The following MCM7 variants were observed in gnomAD, a reference collection of about 807,000 sequenced individuals.
MCM7 encodes the protein DNA replication licensing factor MCM7.
MCM7 carries 95 observed loss-of-function variants against 83.5 expected under a neutral mutation model. The ratio of observed to expected loss-of-function variants is 1.14; its 90% CI spans 0.96 to 1.35. The LOEUF (loss-of-function observed/expected upper bound fraction) is 1.35, where lower values mean the gene tolerates loss of function less well. MCM7 is among the 40% of genes most tolerant of loss of function. The pLI, the probability that MCM7 is intolerant of heterozygous loss-of-function variation, is 0.00. For synonymous variants in MCM7, 461 were observed against 352.7 expected, an observed-to-expected ratio of 1.31 and a Z score of -3.44; for missense variants, 1,087 against 957.4, an observed-to-expected ratio of 1.14 and a Z score of -1.79.
At chr7:100,097,264 T>C (rs777150471) in intron 10 of MCM7, 37 bp downstream of exon 10, 1 of 1,573,142 alleles carries the variant, frequency 6.4e-7, no homozygotes, top group African/African-American at 1.3e-5. Context: ...GTCCTGTCTG[T>C]CACTATATTC....
chr7:100,093,541 C>A (rs779938327), intron 13 of MCM7, 140 bp from the exon 14 acceptor site: 1 of 826,590 alleles, frequency 1.2e-6, no homozygotes, highest in Admixed American at 1.7e-5. Flanking sequence ...CCCCCCTCCC[C>A]CCAGCATCCG....
At chr7:100,100,143 T>TAA (rs778630427) in intron 1 of MCM7, 50 bp from the exon 2 acceptor site, 1 of 1,601,378 alleles carries the variant, frequency 6.2e-7, no homozygotes, top group Non-Finnish European at 8.5e-7. Context: ...AGACAAATCT[T>TAA]AGATACCCAT....
chr7:100,099,870 G>C, intron 2 of MCM7, 117 bp from the exon 3 acceptor site: 4 of 1,451,858 alleles, frequency 2.8e-6, no homozygotes, highest in Non-Finnish European at 3.8e-6. Flanking sequence ...CCACAGGGGA[G>C]AACGCAGCGC....
chr7:100,099,961 A>C, intron 2 of MCM7, 53 bp downstream of exon 2: 1 of 1,529,022 alleles, frequency 6.5e-7, no homozygotes. Flanking sequence ...GCTGCTGCTT[A>C]TGGCTCCTTA....
At chr7:100,095,567 T>C (rs1309656507) in intron 11 of MCM7, 97 bp from the exon 12 acceptor site, 1 of 1,326,876 alleles carries the variant, frequency 7.5e-7, no homozygotes. Flanking sequence ...TTCCTCACAG[T>C]GTAGGAGGGA....
At chr7:100,095,597 C>T (rs1795585344) in intron 11 of MCM7, 127 bp from the exon 12 acceptor site, 4 of 1,304,028 alleles carry the variant, frequency 3.1e-6, no homozygotes, top group Non-Finnish European at 4.2e-6. Context: ...CCGGGAAATC[C>T]TCATCAGCAT....
intron 9 of MCM7, 23 bp from the exon 10 acceptor site, chr7:100,097,407 T>C (rs1195354039): frequency 6.2e-7 from 1 of 1,611,526 alleles, no homozygotes; most frequent in Non-Finnish European, 8.5e-7. Context: ...AAGGCAGCCC[T>C]GGAATGACTC....
At position 100,094,229 on chromosome 7, in the gene MCM7, C is replaced by T; in HGVS notation, c.1792G>A (p.Ala598Thr). The T allele has an allele frequency of 6.2e-7, 1 of 1,614,224 alleles. No homozygotes were observed. The highest frequency in any genetic ancestry group is 8.5e-7 in the Non-Finnish European group (1 of 1,180,044). ...AGGGTCCGGGCAGAAGTATAGGTGG[C>T]ATCCTTACTAGCCCAAGCCTCTCGC... Reference protein sequence around the residue: ...MRREAWASKDATYTSARTLLA... With the variant: ...MRREAWASKDTTYTSARTLLA... Residue 598 changes from alanine (A) to threonine (T), a missense_variant, in exon 13 of 15, where the codon GCC becomes ACC. Coordinates refer to ENST00000303887, the MANE Select transcript of MCM7 (RefSeq NM_005916.5).
intron 12 of MCM7, 112 bp from the exon 13 acceptor site, chr7:100,094,453 G>A: frequency 1.6e-6 from 2 of 1,248,414 alleles, no homozygotes; most frequent in Non-Finnish European, 2.2e-6. Context: ...TCCCCTCCAA[G>A]AATTTTAAGT....
rs769246177 is a variant in MCM7 at position 100,094,263 on chromosome 7, C to G, written c.1758G>C (p.Val586=). 1 of 1,614,200 alleles carries G rather than the reference C, an allele frequency of 6.2e-7. No homozygotes were observed. The highest frequency in any genetic ancestry group is 2.2e-5 in the East Asian group (1 of 44,888). ...SLADYITAAY[V]EMRREAWASK... ...TAGCCCAAGCCTCTCGCCTCATCTCCACGTATGCTGCTGTGATGTAGTCAG... is the reference window on the plus strand; with the variant it reads ...TAGCCCAAGCCTCTCGCCTCATCTCGACGTATGCTGCTGTGATGTAGTCAG... Residue 586 remains valine (V), a synonymous_variant, in exon 13 of 15, where the codon GTG becomes GTC. Coordinates refer to ENST00000303887, the MANE Select transcript of MCM7 (RefSeq NM_005916.5).
At chr7:100,095,181 A>C (rs998799604) in intron 12 of MCM7, among the ~76,000 whole-genome samples, 2 of 152,182 alleles carry the variant, frequency 1.3e-5, no homozygotes, top group African/African-American at 2.4e-5. Context: ...CTCAAAAAAA[A>C]TAAATAGTGT....
rs565542108 is a variant in MCM7, at chr7:100,097,100, C to CA, written c.1201+200dup. 2.3e-3 allele frequency among the ~76,000 whole-genome samples: 347 copies of CA among 151,462 alleles called. 1 individual carries two copies. Among genetic ancestry groups the CA allele is most frequent in the Middle Eastern group, 6.8e-3 (2 of 294 alleles). On this transcript the variant is annotated intron_variant, in intron 10 of 14. Coordinates refer to ENST00000303887, the MANE Select transcript of MCM7 (RefSeq NM_005916.5). ...TGGGCGAAAGAGCAAGCCTCTATCT[C>CA]AAAAAAAACAAAAACAAAAACAAAA... is the stretch of plus-strand genomic sequence containing the variant.
At position 100,100,158 on chromosome 7, in the gene MCM7, G is replaced by A. The variant is rs985708726; in HGVS notation, c.32-65C>T. The A allele has an allele frequency of 1.1e-5, 18 of 1,587,560 alleles. No homozygotes were observed. The highest frequency in any genetic ancestry group is 1.1e-4 in the Admixed American group (6 of 56,340). On this transcript the variant is annotated intron_variant, in intron 1 of 14. Transcript: ENST00000303887. ...AGACAAATCTTAGATACCCATTTTC[G>A]CTTAAAACACGACCTATGAACTAAT...
Position 100,095,486 on chromosome 7 carries a change from G to A in MCM7, c.1596-16C>T, listed in dbSNP as rs774757341. ...CTGGGCCAACCTGGACAGAGGGAAG[G>A]TTAGAAGGAACACCCTTTTTAGGGC... On this transcript the variant is annotated splice_polypyrimidine_tract_variant and intron_variant, in intron 11 of 14. Coordinates refer to ENST00000303887, the MANE Select transcript of MCM7 (RefSeq NM_005916.5). 1.5e-5 allele frequency: 24 copies of A among 1,612,610 alleles called. No individual in the cohort carries two copies. In the South Asian group the frequency reaches 2.6e-4, roughly 18 times the overall value.
chr7:100,092,902 G>A lies in MCM7; in HGVS notation c.*30C>T, dbSNP rs1475101853. 1.2e-6 allele frequency: 2 copies of A among 1,613,802 alleles called. No individual in the cohort carries two copies. Among genetic ancestry groups the A allele is most frequent in the Non-Finnish European group, 1.7e-6 (2 of 1,179,732 alleles). On this transcript the variant is annotated 3_prime_UTR_variant, in exon 15 of 15. Transcript: ENST00000303887. Reference sequence around the variant, plus strand: ...CAAGGGGCAGGCCAGCAGGGAACAAGAGGACCCCAGGGTTGCAAGCAGGCT... The same window carrying A: ...CAAGGGGCAGGCCAGCAGGGAACAAAAGGACCCCAGGGTTGCAAGCAGGCT...
chr7:100,096,037 A>T lies in MCM7; in HGVS notation c.1332T>A (p.Ile444=). The T allele has an allele frequency of 6.2e-7, 1 of 1,613,884 alleles. No individual in the cohort carries two copies. Among genetic ancestry groups the T allele is most frequent in the Non-Finnish European group, 8.5e-7 (1 of 1,179,974 alleles). ...CCTCAGCCATCTTGTCGAACTCATCAATGCAGCACACACCCTGGTCAGCCA... is the reference window on the plus strand; with the variant it reads ...CCTCAGCCATCTTGTCGAACTCATCTATGCAGCACACACCCTGGTCAGCCA... ...LVLADQGVCC[I]DEFDKMAEAD... The change falls in exon 11 of 15, where the codon ATT becomes ATA. Residue 444 remains isoleucine, a synonymous_variant. Transcript: ENST00000303887.
chr7:100,101,312 C>G lies in MCM7; in HGVS notation c.-18G>C. 1 of 1,613,072 alleles carries G rather than the reference C, an allele frequency of 6.2e-7. No individual in the cohort carries two copies. Among genetic ancestry groups the G allele is most frequent in the Non-Finnish European group, 8.5e-7 (1 of 1,179,852 alleles). ...AGTGCCATCGCTGCCGAGGGCCGTG[C>G]GGCCGCGCTTGGCGGGCTCAGAGGT... On this transcript the variant is annotated 5_prime_UTR_variant, in exon 1 of 15. Coordinates refer to ENST00000303887, the MANE Select transcript of MCM7 (RefSeq NM_005916.5).
In MCM7 at chr7:100,098,659, G is replaced by A. The variant is rs1290238376; in HGVS notation, c.639C>T (p.Thr213=). 1.2e-6 allele frequency: 2 copies of A among 1,614,014 alleles called. No homozygotes were observed. Among genetic ancestry groups the A allele is most frequent in the Non-Finnish European group, 1.7e-6 (2 of 1,180,042 alleles). ...LIMCPSQECQ[T]NRSGGRLYLQ... is the part of the protein sequence containing the mutation. ...GATACAGCCGCCCTCCTGAGCGGTTGGTTTGGCACTCCTGGCTTGGGCACA... is the reference window on the plus strand; with the variant it reads ...GATACAGCCGCCCTCCTGAGCGGTTAGTTTGGCACTCCTGGCTTGGGCACA... The change falls in exon 6 of 15, where the codon ACC becomes ACT. Residue 213 remains threonine (T), a synonymous_variant. Coordinates refer to ENST00000303887, the MANE Select transcript of MCM7 (RefSeq NM_005916.5).
intron 12 of MCM7, among the ~76,000 whole-genome samples, 158 bp downstream of exon 12, chr7:100,095,229 G>A (rs1452015393): frequency 6.6e-6 from 1 of 152,230 alleles, no homozygotes; most frequent in Admixed American, 6.5e-5. Context: ...GATATGAAGT[G>A]TGGAATTTTC....
Sources: gnomAD v4.1 joint callset for allele counts (sites outside exome capture counted in the v4.1 genomes callset) on GRCh38, gnomAD v4.1.1 for gene constraint, MANE v1.5 for transcripts, NCBI Gene and HGNC (gene_info 2026-07-23, HGNC 2026-07-21) for gene names.